Variants in MCC observed in about 807,000 individuals in gnomAD.
The protein encoded by MCC is colorectal mutant cancer protein.
A neutral mutation model predicts 116.2 loss-of-function variants in MCC; 90 were observed. That is an observed-to-expected ratio of 0.77 (90% CI 0.65 to 0.92). MCC has a LOEUF of 0.92. Among genes scored for constraint, MCC ranks in the 40% least tolerant of loss-of-function variants. The probability of loss-of-function intolerance (pLI) is 0.00; values close to 1 mark genes in which losing one functional copy is unlikely to be tolerated. For synonymous variants in MCC, 578 were observed against 510.5 expected, an observed-to-expected ratio of 1.13 and a Z score of -1.78; for missense variants, 1,516 against 1,312.2, an observed-to-expected ratio of 1.16 and a Z score of -2.40.
chr5:113,085,182 A>C lies in MCC; in HGVS notation c.1527T>G (p.Asn509Lys). ...AACTCACCTTGGCGATGGGAATGTC[A>C]TTGCTGCTGCTGCTTGTGCTCAGCT... ...TGELSTSSSS[N>K]DIPIAKIAER... Residue 509 changes from asparagine (N) to lysine (K), a missense_variant, in exon 9 of 19, where the codon AAT becomes AAG. By Grantham distance (94) the Asn-to-Lys change is moderately conservative. Coordinates refer to ENST00000408903, the MANE Select transcript of MCC (RefSeq NM_001085377.2). 2.5e-6 allele frequency: 4 copies of C among 1,614,060 alleles called. No individual in the cohort carries two copies. Among genetic ancestry groups the C allele is most frequent in the Non-Finnish European group, 3.4e-6 (4 of 1,179,960 alleles).
At chr5:113,479,651 A>G (rs1772323845) in intron 1 of MCC, among the ~76,000 whole-genome samples, 1 of 152,058 alleles carries the variant, frequency 6.6e-6, no homozygotes, top group African/African-American at 2.4e-5. Flanking sequence ...GTGTTTTTTT[A>G]ATCTAATTAA....
At chr5:113,313,612 T>A (rs2150368771) in intron 3 of MCC, among the ~76,000 whole-genome samples, 1 of 152,268 alleles carries the variant, frequency 6.6e-6, no homozygotes, top group Middle Eastern at 3.4e-3. Flanking sequence ...GAGTCACAGA[T>A]CAGTATTGGC....
At chr5:113,166,237 T>C (rs1013484231) in intron 3 of MCC, among the ~76,000 whole-genome samples, 1 of 152,108 alleles carries the variant, frequency 6.6e-6, no homozygotes, top group Non-Finnish European at 1.5e-5. Context: ...AATGATACAT[T>C]TCCAACCTAG....
At chr5:113,079,628 C>T (rs1754712458) in intron 11 of MCC, among the ~76,000 whole-genome samples, 2 of 152,154 alleles carry the variant, frequency 1.3e-5, no homozygotes, top group African/African-American at 2.4e-5. Context: ...AAACTGGATC[C>T]CTTCCTTACA....
intron 3 of MCC, among the ~76,000 whole-genome samples, chr5:113,176,793 C>T (rs1262131583): frequency 1.3e-5 from 2 of 152,096 alleles, no homozygotes; most frequent in African/African-American, 2.4e-5. Flanking sequence ...TCCCTCTTAT[C>T]GATTTCTGTT....
At chr5:113,452,465 A>G (rs1477843176) in intron 1 of MCC, among the ~76,000 whole-genome samples, 1 of 152,226 alleles carries the variant, frequency 6.6e-6, no homozygotes, top group Non-Finnish European at 1.5e-5. Flanking sequence ...GGCCCCAGAG[A>G]GCTGCCTTGC....
At chr5:113,248,679 A>C (rs998030954) in intron 3 of MCC, among the ~76,000 whole-genome samples, 2 of 152,190 alleles carry the variant, frequency 1.3e-5, no homozygotes, top group African/African-American at 4.8e-5. Context: ...ATATTCACCA[A>C]GAAGGGTCTT....
intron 1 of MCC, among the ~76,000 whole-genome samples, chr5:113,419,293 C>T (rs1229112085): frequency 2.0e-5 from 3 of 151,896 alleles, no homozygotes; most frequent in Non-Finnish European, 2.9e-5. Flanking sequence ...ACCTTGGCCT[C>T]CCAAGTAGCT....
At chr5:113,400,043 T>C (rs1769637730) in intron 1 of MCC, 1 of 152,042 alleles carries the variant, frequency 6.6e-6, no homozygotes, top group Non-Finnish European at 1.5e-5. Context: ...CTTTTTATTC[T>C]ATAGTTCTTT....
At chr5:113,215,142 C>A (rs1277196281) in intron 3 of MCC, among the ~76,000 whole-genome samples, 1 of 152,216 alleles carries the variant, frequency 6.6e-6, no homozygotes, top group Non-Finnish European at 1.5e-5. Context: ...CCTCCAGAAG[C>A]CTTTGCTGAC....
chr5:113,142,753 G>A (rs1759254715), intron 5 of MCC, among the ~76,000 whole-genome samples: 2 of 152,228 alleles, frequency 1.3e-5, no homozygotes, highest in African/African-American at 2.4e-5. Flanking sequence ...CCTACATAAT[G>A]CTTAGTTATA....
At chr5:113,443,873 G>C (rs1771124024) in intron 1 of MCC, among the ~76,000 whole-genome samples, 1 of 152,050 alleles carries the variant, frequency 6.6e-6, no homozygotes, top group Admixed American at 6.6e-5. Flanking sequence ...ACCCAGGCTG[G>C]AGTGCAGTGG....
chr5:113,130,393 G>T (rs1758351909), intron 5 of MCC, among the ~76,000 whole-genome samples: 1 of 151,998 alleles, frequency 6.6e-6, no homozygotes, highest in South Asian at 2.1e-4. Context: ...TAGATAATGG[G>T]TCCAGCAAAC....
Position 113,023,283 on chromosome 5 carries a change from CT to C in MCC, c.*4018del. 6.6e-6 allele frequency: 1 copy of C among 152,320 alleles called. No individual in the cohort carries two copies. The highest frequency in any genetic ancestry group is 1.9e-4 in the East Asian group (1 of 5,190). 9.4% of individuals were successfully genotyped at this position (152,320 alleles called of 1,614,324 possible). A position where few individuals can be genotyped will look rare whatever the true frequency, so the allele number is the denominator to read the frequency against. Reference sequence around the variant, plus strand: ...TAAGAACTGGATAGTGAAGGCGTAACTTTTGTTTTGTAACCAGTTACGCCTC... The same window carrying C: ...TAAGAACTGGATAGTGAAGGCGTAACTTTGTTTTGTAACCAGTTACGCCTC... On this transcript the variant is annotated 3_prime_UTR_variant, in exon 19 of 19. Transcript: ENST00000408903.
chr5:113,030,332 A>C (rs1305202752), intron 17 of MCC, among the ~76,000 whole-genome samples: 1 of 152,198 alleles, frequency 6.6e-6, no homozygotes, highest in East Asian at 1.9e-4. Context: ...GGAACTGGTT[A>C]ATCACGGCCT....
intron 1 of MCC, among the ~76,000 whole-genome samples, chr5:113,468,939 A>C (rs1355161707): frequency 6.6e-6 from 1 of 152,042 alleles, no homozygotes; most frequent in Non-Finnish European, 1.5e-5. Flanking sequence ...GAATTTATCC[A>C]TTTCTTCTAG....
intron 5 of MCC, among the ~76,000 whole-genome samples, chr5:113,131,509 G>A (rs1342271450): frequency 6.6e-6 from 1 of 152,104 alleles, no homozygotes; most frequent in African/African-American, 2.4e-5. Context: ...GGATACATTA[G>A]GCAGGGTTCA....
intron 1 of MCC, among the ~76,000 whole-genome samples, chr5:113,424,115 G>A (rs1198754026): frequency 2.3e-5 from 3 of 132,486 alleles, no homozygotes; most frequent in African/African-American, 8.7e-5. Flanking sequence ...AATCCCACTG[G>A]TCAAAAAGTC....
At chr5:113,089,698 T>C (rs1755463455) in intron 8 of MCC, among the ~76,000 whole-genome samples, 1 of 152,248 alleles carries the variant, frequency 6.6e-6, no homozygotes, top group African/African-American at 2.4e-5. Flanking sequence ...GAATTTTTAA[T>C]TGTATTGTAT....
Sources: gnomAD v4.1 joint callset for allele counts (sites outside exome capture counted in the v4.1 genomes callset) on GRCh38, gnomAD v4.1.1 for gene constraint, MANE v1.5 for transcripts, NCBI Gene and HGNC (gene_info 2026-07-23, HGNC 2026-07-21) for gene names.